Variants in TOP6BL observed in about 807,000 individuals in gnomAD.
TOP6BL encodes TOP6B like initiator of meiotic double strand breaks.
chr11:66,808,905 A>AT, the TOP6BL span, among the ~76,000 whole-genome samples: 3 of 152,232 alleles, frequency 2.0e-5, no homozygotes, highest in African/African-American at 7.2e-5. Context: ...CAGAAACAAT[A>AT]TTTAAAGAGT....
chr11:66,816,761 T>C, the TOP6BL span, among the ~76,000 whole-genome samples: 10 of 152,172 alleles, frequency 6.6e-5, no homozygotes, highest in African/African-American at 2.4e-4. Context: ...TATTATTTTT[T>C]GTATGGAGGT....
At chr11:66,814,094 G>A in the TOP6BL span, 17 of 1,422,554 alleles carry the variant, frequency 1.2e-5, no homozygotes, top group African/African-American at 4.2e-5. Context: ...TGAATAGAAC[G>A]TGTGTATAAA....
chr11:66,842,905 G>A, the TOP6BL span: 7 of 1,572,598 alleles, frequency 4.5e-6, no homozygotes, highest in South Asian at 4.7e-5. Flanking sequence ...CCGCATAGAG[G>A]AGATGCGAGC....
At chr11:66,775,242 C>T in the TOP6BL span, among the ~76,000 whole-genome samples, 1 of 150,150 alleles carries the variant, frequency 6.7e-6, no homozygotes, top group Non-Finnish European at 1.5e-5. Context: ...GATGATATAT[C>T]TTGTCATTTA....
the TOP6BL span, chr11:66,762,087 C>T: frequency 1.7e-6 from 2 of 1,184,680 alleles, no homozygotes; most frequent in Non-Finnish European, 2.5e-6. Flanking sequence ...AGTTCCAGCT[C>T]CCAAACTCCA....
chr11:66,781,714 T>G, the TOP6BL span, among the ~76,000 whole-genome samples: 1 of 152,232 alleles, frequency 6.6e-6, no homozygotes, highest in South Asian at 2.1e-4. Flanking sequence ...ATTTTTAAAT[T>G]TTTTTGTAGA....
chr11:66,821,719 A>G, the TOP6BL span: 75 of 1,613,294 alleles, frequency 4.6e-5, no homozygotes, highest in African/African-American at 6.5e-4. Flanking sequence ...GTTCCATCCA[A>G]TTCACTGTGG....
At chr11:66,784,223 C>T in the TOP6BL span, among the ~76,000 whole-genome samples, 6 of 152,170 alleles carry the variant, frequency 3.9e-5, no homozygotes, top group Non-Finnish European at 7.4e-5. Flanking sequence ...TTAGTAGAGA[C>T]AGAGTTTCAC....
At chr11:66,779,732 A>G in the TOP6BL span, among the ~76,000 whole-genome samples, 2 of 152,192 alleles carry the variant, frequency 1.3e-5, no homozygotes, top group African/African-American at 4.8e-5. Context: ...CTGCGGCACT[A>G]TTCACAATAG....
chr11:66,776,815 C>G, the TOP6BL span, among the ~76,000 whole-genome samples: 2 of 151,928 alleles, frequency 1.3e-5, no homozygotes, highest in Non-Finnish European at 2.9e-5. Context: ...TTTGGGAGGC[C>G]AAGACGGGAG....
the TOP6BL span, chr11:66,748,305 C>T: frequency 4.3e-6 from 5 of 1,160,056 alleles, no homozygotes; most frequent in Non-Finnish European, 5.9e-6. Flanking sequence ...ACTAATTTAA[C>T]TGGGTCATAG....
At chr11:66,800,591 T>C in the TOP6BL span, 6 of 1,444,780 alleles carry the variant, frequency 4.2e-6, no homozygotes, top group Non-Finnish European at 5.6e-6. Context: ...AAGTTTTTAA[T>C]CTGTATCTTG....
At chr11:66,751,902 G>T in the TOP6BL span, among the ~76,000 whole-genome samples, 1 of 151,914 alleles carries the variant, frequency 6.6e-6, no homozygotes, top group Non-Finnish European at 1.5e-5. Context: ...TAGTCAACTC[G>T]CAAACTTCCA....
the TOP6BL span, among the ~76,000 whole-genome samples, chr11:66,817,787 TC>T: frequency 6.6e-6 from 1 of 151,974 alleles, no homozygotes; most frequent in Non-Finnish European, 1.5e-5. Context: ...GCTCAAGTGA[TC>T]CTCCCACCTC....
At chr11:66,800,962 A>C in the TOP6BL span, 1 of 1,558,144 alleles carries the variant, frequency 6.4e-7, no homozygotes, top group Non-Finnish European at 8.8e-7. Flanking sequence ...TCATGGGCCA[A>C]AATTTATGTC....
At chr11:66,837,727 G>A in the TOP6BL span, among the ~76,000 whole-genome samples, 4 of 152,130 alleles carry the variant, frequency 2.6e-5, no homozygotes, top group South Asian at 6.2e-4. Context: ...TTACAGGCAT[G>A]AGCCACCGCG....
the TOP6BL span, among the ~76,000 whole-genome samples, chr11:66,776,951 C>T: frequency 6.6e-6 from 1 of 151,860 alleles, no homozygotes; most frequent in African/African-American, 2.4e-5. Flanking sequence ...TTCTTGGGAG[C>T]CTGGGACAGA....
the TOP6BL span, among the ~76,000 whole-genome samples, chr11:66,827,106 C>T: frequency 4.2e-4 from 64 of 151,946 alleles, no homozygotes; most frequent in Non-Finnish European, 7.6e-4. Flanking sequence ...CTCAGCCTCC[C>T]GAGTATCTAG....
chr11:66,821,743 G>T, the TOP6BL span: 1 of 1,613,318 alleles, frequency 6.2e-7, no homozygotes, highest in Admixed American at 1.7e-5. Flanking sequence ...AGGTCTTGGA[G>T]CAACATCACC....
Sources: gnomAD v4.1 joint callset for allele counts (sites outside exome capture counted in the v4.1 genomes callset) on GRCh38, gnomAD v4.1.1 for gene constraint, MANE v1.5 for transcripts, NCBI Gene and HGNC (gene_info 2026-07-23, HGNC 2026-07-21) for gene names.